Variants in KAZN observed in about 807,000 individuals in gnomAD.
KAZN encodes the protein kazrin.
In KAZN, 40 loss-of-function variants were observed where a neutral mutation model predicts 87.4. That is an observed-to-expected ratio of 0.46 (90% CI 0.36 to 0.60). The LOEUF (loss-of-function observed/expected upper bound fraction) is 0.60, where lower values mean the gene tolerates loss of function less well. KAZN is among the 20% of genes least tolerant of loss of function. The pLI is 0.00. For missense variants in KAZN, 898 were observed against 1,073.9 expected (o/e 0.84, Z 2.29); for synonymous variants, 466 against 458.3 (o/e 1.02, Z -0.22).
chr1:14,924,474 C>G, intron 1 of KAZN: 1 of 992,920 alleles, frequency 1.0e-6, no homozygotes, highest in Non-Finnish European at 1.2e-6. Context: ...CCCCCGGGAC[C>G]CGCAGCCTGC....
At chr1:14,118,888 A>G (rs1267756768) in intron 1 of KAZN, among the ~76,000 whole-genome samples, 2 of 152,178 alleles carry the variant, frequency 1.3e-5, no homozygotes, top group Admixed American at 1.3e-4. Context: ...CAAAACTGCC[A>G]AGGGTTTTAA....
At chr1:14,191,895 G>T (rs59906429) in intron 2 of KAZN, among the ~76,000 whole-genome samples, 19 of 152,100 alleles carry the variant, frequency 1.2e-4, no homozygotes, top group Non-Finnish European at 2.4e-4. Flanking sequence ...AGCTATCCTA[G>T]AGAACCAAGT....
chr1:14,482,810 C>G (rs1054471856), intron 2 of KAZN, among the ~76,000 whole-genome samples: 6 of 152,100 alleles, frequency 3.9e-5, no homozygotes. Flanking sequence ...CACATGGTCC[C>G]CATGTGATCC....
At chr1:14,739,790 T>TA (rs1219125190) in intron 1 of KAZN, among the ~76,000 whole-genome samples, 6 of 151,728 alleles carry the variant, frequency 4.0e-5, no homozygotes, top group South Asian at 2.1e-4. Context: ...TCACTTAGAA[T>TA]AAAAAAATGT....
chr1:14,061,299 C>G (rs545363564), intron 1 of KAZN, among the ~76,000 whole-genome samples: 3 of 151,994 alleles, frequency 2.0e-5, no homozygotes, highest in Non-Finnish European at 4.4e-5. Context: ...TTGAGGAAGA[C>G]TTTCTGGAGA....
At chr1:14,236,286 G>T (rs535555043) in intron 2 of KAZN, among the ~76,000 whole-genome samples, 1 of 152,234 alleles carries the variant, frequency 6.6e-6, no homozygotes, top group African/African-American at 2.4e-5. Context: ...GTTCTTTCAG[G>T]GTTGGGATTA....
intron 2 of KAZN, among the ~76,000 whole-genome samples, chr1:15,018,369 G>A (rs965472697): frequency 3.9e-5 from 6 of 151,934 alleles, no homozygotes; most frequent in Admixed American, 2.6e-4. Context: ...TCCAATTAAC[G>A]GGATGGCATC....
intron 1 of KAZN, among the ~76,000 whole-genome samples, chr1:14,950,660 G>T (rs886159051): frequency 2.0e-5 from 3 of 152,258 alleles, no homozygotes; most frequent in Admixed American, 6.5e-5. Context: ...CTTTGGAGGG[G>T]TCTGCAGTAG....
intron 1 of KAZN, among the ~76,000 whole-genome samples, chr1:14,728,626 T>TACAAGAC (rs1411917374): frequency 8.5e-5 from 13 of 152,282 alleles, no homozygotes; most frequent in African/African-American, 2.9e-4. Flanking sequence ...ACCATCACAT[T>TACAAGAC]ACAAGACACT....
chr1:15,078,392 G>A (rs956940915), intron 8 of KAZN, among the ~76,000 whole-genome samples: 7 of 152,070 alleles, frequency 4.6e-5, no homozygotes, highest in South Asian at 2.1e-4. Flanking sequence ...GCAACACAGC[G>A]AGACTCCATC....
At chr1:14,985,869 G>A (rs1039285135) in intron 2 of KAZN, among the ~76,000 whole-genome samples, 13 of 152,086 alleles carry the variant, frequency 8.5e-5, no homozygotes, top group African/African-American at 2.9e-4. Flanking sequence ...TGGGCGTGGT[G>A]GCACATGCCT....
intron 1 of KAZN, among the ~76,000 whole-genome samples, chr1:14,167,156 T>C (rs1645845601): frequency 6.6e-6 from 1 of 152,252 alleles, no homozygotes; most frequent in Admixed American, 6.5e-5. Flanking sequence ...CAGAGTTCTT[T>C]ATGGAGTTCT....
At chr1:14,210,182 G>A (rs1646824222) in intron 2 of KAZN, among the ~76,000 whole-genome samples, 1 of 152,180 alleles carries the variant, frequency 6.6e-6, no homozygotes, top group South Asian at 2.1e-4. Flanking sequence ...AATCATAGGG[G>A]TGGGTTTTTC....
intron 8 of KAZN, among the ~76,000 whole-genome samples, chr1:15,073,454 A>C (rs953970191): frequency 3.9e-5 from 6 of 152,016 alleles, no homozygotes; most frequent in Non-Finnish European, 8.8e-5. Context: ...AGGTAGGTTG[A>C]GGCCACCTTC....
chr1:14,437,448 AAG>A (rs1666459015), intron 2 of KAZN, among the ~76,000 whole-genome samples: 2 of 152,222 alleles, frequency 1.3e-5, no homozygotes, highest in Admixed American at 1.3e-4. Flanking sequence ...ATGCTGGACA[AAG>A]AGAATTAGAC....
intron 2 of KAZN, among the ~76,000 whole-genome samples, chr1:14,435,029 C>T (rs1158629173): frequency 6.6e-6 from 1 of 152,120 alleles, no homozygotes; most frequent in Non-Finnish European, 1.5e-5. Flanking sequence ...ATCCTTACAC[C>T]ACACCTCAAT....
At chr1:14,221,736 G>T (rs1647103145) in intron 2 of KAZN, among the ~76,000 whole-genome samples, 1 of 152,182 alleles carries the variant, frequency 6.6e-6, no homozygotes, top group Non-Finnish European at 1.5e-5. Context: ...AAAAGGGGAT[G>T]AGGTGGGAAG....
chr1:14,213,744 G>T (rs1440833406), intron 2 of KAZN, among the ~76,000 whole-genome samples: 1 of 152,144 alleles, frequency 6.6e-6, no homozygotes, highest in African/African-American at 2.4e-5. Flanking sequence ...TATGTTGGGG[G>T]GAGACTAGTC....
rs116801865 is a variant in KAZN at position 15,082,045 on chromosome 1, G to A, written c.1223-12135G>A. ...GATGGTGGAGCCAACTGAGACAGGG[G>A]ACAGGTGATGGAGACTCAGGAGTGA... On this transcript the variant is annotated intron_variant, in intron 8 of 14. Transcript: ENST00000376030. 3.5e-3 allele frequency among the ~76,000 whole-genome samples: 532 copies of A among 152,310 alleles called. 1 individual carries two copies. The highest frequency in any genetic ancestry group is 0.011 in the African/African-American group (438 of 41,556).
Sources: gnomAD v4.1 joint callset for allele counts (sites outside exome capture counted in the v4.1 genomes callset) on GRCh38, gnomAD v4.1.1 for gene constraint, MANE v1.5 for transcripts, NCBI Gene and HGNC (gene_info 2026-07-23, HGNC 2026-07-21) for gene names.